TRIP12: variants seen among roughly 807,000 people sequenced by gnomAD.
TRIP12 encodes E3 ubiquitin-protein ligase TRIP12.
A neutral mutation model predicts 244.2 loss-of-function variants in TRIP12; 25 were observed. The observed-to-expected ratio is 0.10, with a 90% confidence interval of 0.07 to 0.14. The LOEUF (loss-of-function observed/expected upper bound fraction) is 0.14. Among genes scored for constraint, TRIP12 ranks in the 10% least tolerant of loss-of-function variants. The pLI, the probability that TRIP12 is intolerant of heterozygous loss-of-function variation, is 1.00. For missense variants in TRIP12, 1,677 were observed against 2,486.4 expected (o/e 0.67, Z 6.92); for synonymous variants, 905 against 873.1 (o/e 1.04, Z -0.64).
intron 26 of TRIP12, 37 bp downstream of exon 26, chr2:229,795,142 T>C: frequency 6.3e-7 from 1 of 1,585,268 alleles, no homozygotes; most frequent in Non-Finnish European, 8.6e-7. Flanking sequence ...AGTACCAAAT[T>C]CCAGTGGCAA....
chr2:229,789,540 C>T (rs2040908595), intron 31 of TRIP12, 71 bp downstream of exon 31: 1 of 1,544,290 alleles, frequency 6.5e-7, no homozygotes, highest in South Asian at 1.3e-5. Context: ...TCACTGTTTC[C>T]ATTTCTAGTG....
chr2:229,836,620 CAG>C (rs1575715391), intron 6 of TRIP12, among the ~76,000 whole-genome samples: 1 of 152,280 alleles, frequency 6.6e-6, no homozygotes, highest in East Asian at 1.9e-4. Context: ...AAAGCTTAAA[CAG>C]AGTTTGCTTC....
chr2:229,840,844 T>G lies in TRIP12; in HGVS notation c.1111A>C (p.Thr371Pro). Residue 371 changes from threonine (T) to proline (P), a missense_variant, in exon 5 of 42, where the codon ACG becomes CCG. Thr to Pro is a conservative substitution (Grantham distance 38). Around this residue, in one of 11 missense-constraint regions of TRIP12, gnomAD observed 143 missense variants for 215.6 expected, o/e 0.66. Transcript: ENST00000675903. ...TACCTGGTACTAGCACAGGAGCCCG[T>G]GGTCTTTTGGCGTGTGCTCCGCCTC... is the stretch of plus-strand genomic sequence containing the variant. ...SLRRSTRQKT[T>P]GSCASTSRRG... 4.4e-6 allele frequency: 7 copies of G among 1,597,606 alleles called. No homozygotes were observed. Among genetic ancestry groups the G allele is most frequent in the Non-Finnish European group, 6.0e-6 (7 of 1,175,598 alleles).
At chr2:229,837,130 T>G (rs539630556) in intron 5 of TRIP12, 146 bp from the exon 6 acceptor site, 10 of 808,360 alleles carry the variant, frequency 1.2e-5, no homozygotes, top group Non-Finnish European at 1.7e-5. Flanking sequence ...AAAATCACCA[T>G]GTATAACAAC....
At chr2:229,767,791 A>T (rs1280764612) in intron 41 of TRIP12, 41 bp from the exon 42 acceptor site, 1 of 1,567,100 alleles carries the variant, frequency 6.4e-7, no homozygotes. Flanking sequence ...TTAAGTTTTT[A>T]AAAAACATCA....
intron 15 of TRIP12, among the ~76,000 whole-genome samples, 175 bp from the exon 16 acceptor site, chr2:229,808,544 T>A (rs1406527865): frequency 6.6e-6 from 1 of 152,124 alleles, no homozygotes; most frequent in Non-Finnish European, 1.5e-5. Context: ...CTAAAAAAAA[T>A]TTGTGTAGAT....
intron 8 of TRIP12, among the ~76,000 whole-genome samples, chr2:229,819,268 G>A (rs757963625): frequency 4.3e-4 from 66 of 152,266 alleles, no homozygotes; most frequent in Non-Finnish European, 8.2e-4. Context: ...AGAGAGGCTG[G>A]GTGCAGTGGC....
Position 229,803,990 on chromosome 2 carries a change from T to C in TRIP12, c.2879+9A>G. On this transcript the variant is annotated intron_variant, in intron 19 of 41. Transcript: ENST00000675903. Reference sequence around the variant, plus strand: ...TTGTAAAATGTTTCTACTATTTTCATTAACACACCTTGAAACAGCATGATT... The same window carrying C: ...TTGTAAAATGTTTCTACTATTTTCACTAACACACCTTGAAACAGCATGATT... 1.2e-6 allele frequency: 2 copies of C among 1,601,506 alleles called. No individual in the cohort carries two copies.
At chr2:229,818,594 G>T (rs2049089518) in intron 8 of TRIP12, 82 bp from the exon 9 acceptor site, 2 of 1,329,416 alleles carry the variant, frequency 1.5e-6, no homozygotes, top group Admixed American at 4.3e-5. Flanking sequence ...AAATGTAATT[G>T]GTTGCTTATC....
intron 1 of TRIP12, among the ~76,000 whole-genome samples, chr2:229,920,946 T>C (rs940180735): frequency 1.3e-5 from 2 of 152,186 alleles, no homozygotes; most frequent in African/African-American, 4.8e-5. Flanking sequence ...ATAGGTTTTA[T>C]GTAATCCACA....
At chr2:229,912,678 G>A (rs146465706) in intron 1 of TRIP12, among the ~76,000 whole-genome samples, 2 of 152,220 alleles carry the variant, frequency 1.3e-5, no homozygotes, top group East Asian at 1.9e-4. Flanking sequence ...TATAAAACTC[G>A]ATCTTGTACT....
At chr2:229,827,701 T>C (rs1193315550) in intron 8 of TRIP12, among the ~76,000 whole-genome samples, 1 of 152,228 alleles carries the variant, frequency 6.6e-6, no homozygotes, top group Non-Finnish European at 1.5e-5. Context: ...CAGTTAATGT[T>C]CTTCTTTAGT....
At position 229,803,015 on chromosome 2, in the gene TRIP12, G is replaced by T. The variant is rs116374743; in HGVS notation, c.2998+556C>A. Reference sequence around the variant, plus strand: ...CCCGGAATCATAGGAGAGTATGTATGAAGGAGTGTGACTAAGAACTATCAA... The same window carrying T: ...CCCGGAATCATAGGAGAGTATGTATTAAGGAGTGTGACTAAGAACTATCAA... On this transcript the variant is annotated intron_variant, in intron 20 of 41. Transcript: ENST00000675903. Among the ~76,000 whole-genome samples, 825 of 152,348 alleles carry T rather than the reference G, an allele frequency of 5.4e-3. 7 individuals carry two copies. Among genetic ancestry groups the T allele is most frequent in the African/African-American group, 0.018 (752 of 41,568 alleles).
chr2:229,840,760 A>G (rs1040480971), intron 5 of TRIP12, 62 bp downstream of exon 5: 1 of 1,154,236 alleles, frequency 8.7e-7, no homozygotes, highest in Non-Finnish European at 1.2e-6. Flanking sequence ...TATTTTGATG[A>G]AAGTTGAAAT....
intron 4 of TRIP12, among the ~76,000 whole-genome samples, chr2:229,847,057 T>C (rs1473811277): frequency 6.6e-6 from 1 of 152,250 alleles, no homozygotes; most frequent in East Asian, 1.9e-4. Context: ...AATTCATGTA[T>C]TTCTAAGTGC....
In TRIP12 at chr2:229,830,749, T is replaced by G; in HGVS notation, c.1354+7A>C. 1 of 1,613,400 alleles carries G rather than the reference T, an allele frequency of 6.2e-7. No homozygotes were observed. Among genetic ancestry groups the G allele is most frequent in the Non-Finnish European group, 8.5e-7 (1 of 1,179,396 alleles). Reference sequence around the variant, plus strand: ...TGGTTTCTTATAGGCTCAATAACTGTTTTTACCTTGCAAACGTCCCATCTC... The same window carrying G: ...TGGTTTCTTATAGGCTCAATAACTGGTTTTACCTTGCAAACGTCCCATCTC... On this transcript the variant is annotated splice_region_variant and intron_variant, in intron 7 of 41. Transcript: ENST00000675903.
chr2:229,783,789 G>A (rs1278442672), intron 34 of TRIP12, among the ~76,000 whole-genome samples: 17 of 133,676 alleles, frequency 1.3e-4, no homozygotes, highest in African/African-American at 4.2e-4. Flanking sequence ...AATAAAAGTT[G>A]AAAATAACCA....
At chr2:229,864,467 A>G (rs1479485719) in intron 2 of TRIP12, among the ~76,000 whole-genome samples, 1 of 152,160 alleles carries the variant, frequency 6.6e-6, no homozygotes, top group Non-Finnish European at 1.5e-5. Context: ...AATGGTTTTG[A>G]ACTTGTTGAG....
At chr2:229,808,529 A>G (rs1307057185) in intron 15 of TRIP12, among the ~76,000 whole-genome samples, 160 bp from the exon 16 acceptor site, 2 of 152,214 alleles carry the variant, frequency 1.3e-5, no homozygotes, top group Non-Finnish European at 2.9e-5. Context: ...TGCTGTAATA[A>G]AGGCCTAAAA....
Sources: allele counts gnomAD v4.1 joint callset (sites outside exome capture counted in the v4.1 genomes callset), GRCh38; gene constraint gnomAD v4.1.1; regional missense constraint gnomAD v4.1.1; transcripts MANE v1.5; gene names NCBI Gene and HGNC (gene_info 2026-07-23, HGNC 2026-07-21).